Variants in ALDH5A1 observed in about 807,000 individuals in gnomAD.
ALDH5A1 encodes the protein aldehyde dehydrogenase 5 family member A1, also known as succinate-semialdehyde dehydrogenase, mitochondrial.
A neutral mutation model predicts 54.7 loss-of-function variants in ALDH5A1; 33 were observed. The ratio of observed to expected loss-of-function variants is 0.60; its 90% CI spans 0.46 to 0.81. ALDH5A1 has a LOEUF of 0.81. Among genes scored for constraint, ALDH5A1 ranks in the 30% least tolerant of loss-of-function variants. The probability of loss-of-function intolerance (pLI) is 0.00; values close to 1 mark genes in which losing one functional copy is unlikely to be tolerated. For missense variants in ALDH5A1, 657 were observed against 711.0 expected (o/e 0.92, Z 0.86); for synonymous variants, 294 against 292.7 (o/e 1.00, Z -0.05).
intron 4 of ALDH5A1, 65 bp from the exon 5 acceptor site, chr6:24,515,102 C>CTTTTTTTTTTTTTTTT (rs4646842): frequency 1.5e-4 from 139 of 932,020 alleles, no homozygotes; most frequent in East Asian, 3.8e-4. Context: ...TTTCTCTTTT[C>CTTTTTTTTTTTTTTTT]TTTTTTTTTT....
At chr6:24,524,299 C>A (rs374408681) in intron 7 of ALDH5A1, among the ~76,000 whole-genome samples, 1 of 152,142 alleles carries the variant, frequency 6.6e-6, no homozygotes, top group African/African-American at 2.4e-5. Context: ...ATGGTTTTAA[C>A]GGAATATTTT....
rs1424918525 is a variant in ALDH5A1 at position 24,495,297 on chromosome 6, G to A, written c.301G>A (p.Ala101Thr). 1.3e-6 allele frequency: 2 copies of A among 1,532,660 alleles called. No individual in the cohort carries two copies. The highest frequency in any genetic ancestry group is 2.5e-5 in the East Asian group (1 of 40,792). 94.9% of individuals were successfully genotyped at this position (1,532,660 alleles called of 1,614,324 possible). A position where few individuals can be genotyped will look rare whatever the true frequency, so the allele number is the denominator to read the frequency against. ...ADCGVREARAAVRAAYEAFCR... is the reference protein window; with the variant it reads ...ADCGVREARATVRAAYEAFCR... The stretch of plus-strand genomic sequence containing the variant: ...CTGCGGGGTGCGAGAGGCCCGCGCC[G>A]CCGTGCGCGCTGCCTACGAGGCTTT... The change falls in exon 1 of 10, where the codon GCC becomes ACC. Residue 101 changes from alanine to threonine, a missense_variant. Around this residue, in one of 2 missense-constraint regions of ALDH5A1, gnomAD observed 232 missense variants for 194.6 expected, o/e 1.19. Coordinates refer to ENST00000357578, the MANE Select transcript of ALDH5A1 (RefSeq NM_001080.3).
rs770884090 is a variant in ALDH5A1 at position 24,504,935 on chromosome 6, G to A, written c.676G>A (p.Val226Met). 42 of 1,614,108 alleles carry A rather than the reference G, an allele frequency of 2.6e-5. No homozygotes were observed. The highest frequency in any genetic ancestry group is 1.8e-5 in the Non-Finnish European group (21 of 1,180,042). ...CGCCCTGGCAGCCGGCTGTACTGTC[G>A]TGGTGAAGCCTGCCGAAGACACGCC... ...GAALAAGCTV[V>M]VKPAEDTPFS... Residue 226 changes from valine (V) to methionine (M), a missense_variant, in exon 4 of 10, where the codon GTG becomes ATG. Val to Met is a conservative substitution (Grantham distance 21). Transcript: ENST00000357578.
chr6:24,519,705 GA>G (rs1225532480), intron 5 of ALDH5A1, among the ~76,000 whole-genome samples: 5 of 150,308 alleles, frequency 3.3e-5, no homozygotes, highest in African/African-American at 1.2e-4. Context: ...GATTCATTGG[GA>G]AGATAAAGCA....
chr6:24,533,464 T>C (rs1351682342), intron 9 of ALDH5A1, 43 bp from the exon 10 acceptor site: 3 of 1,602,028 alleles, frequency 1.9e-6, no homozygotes, highest in African/African-American at 1.3e-5. Flanking sequence ...ATGTCTTTAA[T>C]GACTCTTCTA....
At chr6:24,520,599 G>GT (rs1759662601) in intron 6 of ALDH5A1, 55 bp downstream of exon 6, 1 of 1,601,376 alleles carries the variant, frequency 6.2e-7, no homozygotes, top group Admixed American at 1.7e-5. Flanking sequence ...GTGTGAGTGT[G>GT]TGTATGTGTG....
intron 6 of ALDH5A1, chr6:24,522,494 T>TGG: frequency 2.7e-6 from 1 of 375,224 alleles, no homozygotes; most frequent in Non-Finnish European, 5.1e-6. Context: ...TGTGTGTGTG[T>TGG]GTGTGTGTGT....
chr6:24,523,216 C>T lies in ALDH5A1; in HGVS notation c.1173+291C>T, dbSNP rs550851876. On this transcript the variant is annotated intron_variant, in intron 7 of 9. Coordinates refer to ENST00000357578, the MANE Select transcript of ALDH5A1 (RefSeq NM_001080.3). ...TGAGGCGATAGATGTGCTAACTATCCTGATTAGAGTATAGAGTATGAGAGA... is the reference window on the plus strand; with the variant it reads ...TGAGGCGATAGATGTGCTAACTATCTTGATTAGAGTATAGAGTATGAGAGA... 6.8e-5 allele frequency among the ~76,000 whole-genome samples: 10 copies of T among 147,654 alleles called. No homozygotes were observed. In the East Asian group the frequency reaches 1.8e-3, roughly 27 times the overall value.
At position 24,495,105 on chromosome 6, in the gene ALDH5A1, C is replaced by T; in HGVS notation, c.109C>T (p.Pro37Ser). 1.5e-6 allele frequency: 2 copies of T among 1,316,782 alleles called. No individual in the cohort carries two copies. Among genetic ancestry groups the T allele is most frequent in the Non-Finnish European group, 9.6e-7 (1 of 1,040,884 alleles). The allele number at this position is 1,316,782 out of a possible 1,614,324, so 81.6% of individuals were successfully genotyped here. The change falls in exon 1 of 10, where the codon CCT becomes TCT. Residue 37 changes from proline (P) to serine (S), a missense_variant. Pro to Ser is a moderately conservative substitution (Grantham distance 74, BLOSUM62 -1). Transcript: ENST00000357578. ...CGGCGGCCTGGTCCCTGCCTCCGGG[C>T]CTGCGCCCGGCCCGGCCCAGCTCCG... ...RAGGLVPASG[P>S]APGPAQLRCY...
At chr6:24,529,865 T>C (rs1270071631) in intron 8 of ALDH5A1, among the ~76,000 whole-genome samples, 1 of 151,802 alleles carries the variant, frequency 6.6e-6, no homozygotes, top group African/African-American at 2.4e-5. Context: ...AGAGACAGGG[T>C]TTCGCCATGT....
chr6:24,521,286 A>G (rs1759678299), intron 6 of ALDH5A1, among the ~76,000 whole-genome samples: 1 of 152,262 alleles, frequency 6.6e-6, no homozygotes, highest in South Asian at 2.1e-4. Flanking sequence ...CAGCTCTACA[A>G]ACGTTGCATT....
chr6:24,500,647 A>AAATAATAAT (rs35094488), intron 1 of ALDH5A1, among the ~76,000 whole-genome samples: 6,265 of 144,100 alleles, frequency 0.043, 232 homozygotes, highest in African/African-American at 0.085. Context: ...ACCGTATCTA[A>AAATAATAAT]AATAATAATA....
At chr6:24,529,154 CTT>C (rs1026427104) in intron 8 of ALDH5A1, among the ~76,000 whole-genome samples, 1 of 151,154 alleles carries the variant, frequency 6.6e-6, no homozygotes, top group African/African-American at 2.4e-5. Flanking sequence ...CCTTTATCCA[CTT>C]TTTTTTTCTT....
At chr6:24,498,247 TG>T (rs991821128) in intron 1 of ALDH5A1, among the ~76,000 whole-genome samples, 5 of 152,250 alleles carry the variant, frequency 3.3e-5, no homozygotes, top group East Asian at 3.9e-4. Context: ...AGTAAGCAGT[TG>T]GGTGTATGAG....
chr6:24,505,520 G>A (rs1027901638), intron 4 of ALDH5A1, among the ~76,000 whole-genome samples: 2 of 151,728 alleles, frequency 1.3e-5, no homozygotes, highest in Non-Finnish European at 2.9e-5. Context: ...GGCCCCTGCC[G>A]CTTTCCAGAC....
chr6:24,498,096 G>C (rs1764748135), intron 1 of ALDH5A1, among the ~76,000 whole-genome samples: 1 of 152,166 alleles, frequency 6.6e-6, no homozygotes, highest in Non-Finnish European at 1.5e-5. Context: ...AGAGGGGTTA[G>C]TGATGACTCC....
Position 24,528,100 on chromosome 6 carries a change from G to GCAATGTCA in ALDH5A1, c.1279_1286dup (p.Gln430MetfsTer30), listed in dbSNP as rs759680704. The GCAATGTCA allele has an allele frequency of 6.2e-7, 1 of 1,614,098 alleles. No homozygotes were observed. Among genetic ancestry groups the GCAATGTCA allele is most frequent in the East Asian group, 2.2e-5 (1 of 44,874 alleles). On this transcript the variant is annotated frameshift_variant, in exon 8 of 10. Transcript: ENST00000357578. LOFTEE classifies it high-confidence loss of function. The stretch of plus-strand genomic sequence containing the variant: ...AATTTCTTTGAGCCTACCCTGCTGT[G>GCAATGTCA]CAATGTCACCCAGGACATGCTGTGC...
At chr6:24,519,717 G>C (rs1450360119) in intron 5 of ALDH5A1, among the ~76,000 whole-genome samples, 1 of 149,018 alleles carries the variant, frequency 6.7e-6, no homozygotes, top group Non-Finnish European at 1.5e-5. Flanking sequence ...AGATAAAGCA[G>C]GTTACGAAAC....
rs70974913 is a variant in ALDH5A1 at position 24,506,243 on chromosome 6, C to CTTT, written c.726+1286_726+1288dup. Among the ~76,000 whole-genome samples, 55 of 52,160 alleles carry CTTT rather than the reference C, an allele frequency of 1.1e-3. 9 individuals carry two copies. The highest frequency in any genetic ancestry group is 2.7e-3 in the African/African-American group (37 of 13,534). The allele number at this position is 52,160 out of a possible 152,430, so 34.2% of individuals were successfully genotyped here. ...TCTGCACCTCCTTCTTTCCTGGTTC[C>CTTT]TTTTTTTTTTTTTTTTTTTTTTTTT... On this transcript the variant is annotated intron_variant, in intron 4 of 9. Coordinates refer to ENST00000357578, the MANE Select transcript of ALDH5A1 (RefSeq NM_001080.3).
Sources: allele counts gnomAD v4.1 joint callset (sites outside exome capture counted in the v4.1 genomes callset), GRCh38; gene constraint gnomAD v4.1.1; regional missense constraint gnomAD v4.1.1; transcripts MANE v1.5; gene names NCBI Gene and HGNC (gene_info 2026-07-23, HGNC 2026-07-21).